The following TLE1 variants were observed in gnomAD, a reference collection of about 807,000 sequenced individuals.
TLE1 encodes the protein transducin-like enhancer protein 1.
Under a neutral mutation model 89.8 loss-of-function variants are expected in TLE1, and 21 were observed. The observed-to-expected ratio is 0.23, with a 90% CI of 0.17 to 0.34. TLE1 has a LOEUF of 0.34. Ranked by LOEUF, TLE1 falls within the 10% of genes least tolerant of loss-of-function variation. TLE1 has a pLI of 1.00. For missense variants in TLE1, 795 were observed against 1,031.2 expected, an observed-to-expected ratio of 0.77 and a Z score of 3.14; for synonymous variants, 447 against 407.6, an observed-to-expected ratio of 1.10 and a Z score of -1.16.
At chr9:81,637,846 C>G (rs1827598844) in intron 6 of TLE1, among the ~76,000 whole-genome samples, 1 of 151,996 alleles carries the variant, frequency 6.6e-6, no homozygotes, top group South Asian at 2.1e-4. Context: ...TGGAACACAT[C>G]TGAGTCAGGG....
intron 16 of TLE1, among the ~76,000 whole-genome samples, chr9:81,590,560 A>T (rs140900350): frequency 3.9e-5 from 6 of 152,232 alleles, no homozygotes; most frequent in Non-Finnish European, 5.9e-5. Context: ...TGGAGTCTGT[A>T]TGTGGGCTGA....
At chr9:81,666,809 A>AAATT (rs770061768) in intron 4 of TLE1, among the ~76,000 whole-genome samples, 1 of 136,030 alleles carries the variant, frequency 7.4e-6, no homozygotes, top group Admixed American at 7.4e-5. Flanking sequence ...ATAAATAAAT[A>AAATT]AAATAAAATA....
intron 4 of TLE1, among the ~76,000 whole-genome samples, chr9:81,660,638 C>T (rs1014054210): frequency 1.3e-5 from 2 of 150,716 alleles, no homozygotes; most frequent in Admixed American, 1.3e-4. Flanking sequence ...GGATGGTCTC[C>T]AACTCCTGAC....
At chr9:81,644,760 G>A (rs772773720) in intron 6 of TLE1, among the ~76,000 whole-genome samples, 172 of 151,422 alleles carry the variant, frequency 1.1e-3, no homozygotes, top group Non-Finnish European at 1.9e-3. Flanking sequence ...TTGGGAGGCA[G>A]AGACAGGTGA....
intron 8 of TLE1, among the ~76,000 whole-genome samples, chr9:81,625,998 T>A (rs1479084293): frequency 2.0e-5 from 3 of 147,410 alleles, no homozygotes; most frequent in Non-Finnish European, 3.0e-5. Context: ...CCTTCATGAA[T>A]CCTAAGACCT....
At chr9:81,631,224 AACCCTCC>A (rs1826559093) in intron 8 of TLE1, among the ~76,000 whole-genome samples, 1 of 152,212 alleles carries the variant, frequency 6.6e-6, no homozygotes, top group Non-Finnish European at 1.5e-5. Flanking sequence ...GACAACCAAT[AACCCTCC>A]CTCCACCCAC....
chr9:81,636,872 G>A (rs773933352), intron 6 of TLE1, among the ~76,000 whole-genome samples: 62 of 151,988 alleles, frequency 4.1e-4, no homozygotes, highest in East Asian at 7.8e-4. Flanking sequence ...GTGTGGTGGC[G>A]GATGCCTGTA....
rs555651546 is a variant in TLE1, at chr9:81,666,198, T to G, written c.235-12162A>C. Among the ~76,000 whole-genome samples the G allele has an allele frequency of 4.6e-5, 7 of 152,124 alleles. 1 individual carries two copies. The highest frequency in any genetic ancestry group is 1.7e-4 in the African/African-American group (7 of 41,494). ...AGCTTTTGGTGGGCTTAAAGGAAAA[T>G]GCACTCTGTGGTGGAGAAAGAAATC... On this transcript the variant is annotated intron_variant, in intron 4 of 19. Coordinates refer to ENST00000376499, the MANE Select transcript of TLE1 (RefSeq NM_005077.5).
chr9:81,588,018 C>T (rs531510245), intron 16 of TLE1, among the ~76,000 whole-genome samples, 190 bp from the exon 17 acceptor site: 3 of 150,976 alleles, frequency 2.0e-5, no homozygotes, highest in South Asian at 2.1e-4. Context: ...ACAGCACCTG[C>T]GATTGTCTTT....
intron 14 of TLE1, among the ~76,000 whole-genome samples, chr9:81,597,305 T>C (rs1343851196): frequency 1.3e-5 from 2 of 151,626 alleles, no homozygotes; most frequent in East Asian, 3.9e-4. Context: ...TGAAGATACG[T>C]TGAATTGAGG....
At chr9:81,663,788 G>A (rs919366109) in intron 4 of TLE1, among the ~76,000 whole-genome samples, 10 of 151,720 alleles carry the variant, frequency 6.6e-5, no homozygotes, top group African/African-American at 1.7e-4. Context: ...CACCACGCCC[G>A]GCTAATTTTT....
chr9:81,626,580 G>A (rs1825935663), intron 8 of TLE1, among the ~76,000 whole-genome samples: 1 of 152,212 alleles, frequency 6.6e-6, no homozygotes, highest in African/African-American at 2.4e-5. Context: ...TGCCTGTGCA[G>A]CCAGTCTGAA....
intron 4 of TLE1, among the ~76,000 whole-genome samples, chr9:81,660,171 T>G (rs200661439): frequency 6.6e-6 from 1 of 152,078 alleles, no homozygotes; most frequent in Non-Finnish European, 1.5e-5. Flanking sequence ...CTGTGACACA[T>G]TTCTTTGCCG....
intron 7 of TLE1, chr9:81,633,851 C>G (rs886888540): frequency 1.0e-5 from 5 of 487,906 alleles, no homozygotes; most frequent in African/African-American, 7.7e-5. Context: ...CTGGCATTAA[C>G]TAGGCAGTTG....
chr9:81,649,006 G>C (rs983305907), intron 6 of TLE1, among the ~76,000 whole-genome samples: 3 of 152,022 alleles, frequency 2.0e-5, no homozygotes, highest in African/African-American at 7.3e-5. Flanking sequence ...ATTGTGACAA[G>C]ACTACAATAC....
At chr9:81,677,606 A>G (rs1833067728) in intron 4 of TLE1, among the ~76,000 whole-genome samples, 2 of 151,084 alleles carry the variant, frequency 1.3e-5, no homozygotes, top group African/African-American at 4.9e-5. Context: ...AGGTAAACGC[A>G]CTCAAGCTTT....
chr9:81,660,098 C>T (rs1830580001), intron 4 of TLE1, among the ~76,000 whole-genome samples: 1 of 152,156 alleles, frequency 6.6e-6, no homozygotes, highest in African/African-American at 2.4e-5. Flanking sequence ...CAGCTTTCTA[C>T]CTAAAAGCCT....
chr9:81,596,991 A>G (rs1830306779), intron 14 of TLE1, among the ~76,000 whole-genome samples: 1 of 152,194 alleles, frequency 6.6e-6, no homozygotes. Context: ...TAACCAGTTA[A>G]CACATTAGAT....
At chr9:81,674,842 G>A (rs1424490211) in intron 4 of TLE1, among the ~76,000 whole-genome samples, 1 of 152,062 alleles carries the variant, frequency 6.6e-6, no homozygotes, top group African/African-American at 2.4e-5. Context: ...ATAAAAACAG[G>A]TGAAGACAGA....
Sources: gnomAD v4.1 joint callset for allele counts (sites outside exome capture counted in the v4.1 genomes callset) on GRCh38, gnomAD v4.1.1 for gene constraint, MANE v1.5 for transcripts, NCBI Gene and HGNC (gene_info 2026-07-23, HGNC 2026-07-21) for gene names.